The following PEX13 variants were observed in gnomAD, a reference collection of about 807,000 sequenced individuals.
PEX13 encodes the protein peroxisome biogenesis factor 13.
Under a neutral mutation model 34.5 loss-of-function variants are expected in PEX13, and 28 were observed. The ratio of observed to expected loss-of-function variants is 0.81; its 90% confidence interval spans 0.60 to 1.11. PEX13 has a LOEUF of 1.11. PEX13 is among the 50% of genes most tolerant of loss of function. PEX13 has a pLI of 0.00. For synonymous variants in PEX13, 177 were observed against 175.1 expected (o/e 1.01, Z -0.09); for missense variants, 550 against 491.0 (o/e 1.12, Z -1.13).
At chr2:61,036,983 T>C (rs888570396) in intron 2 of PEX13, among the ~76,000 whole-genome samples, 3 of 151,850 alleles carry the variant, frequency 2.0e-5, no homozygotes, top group Non-Finnish European at 4.4e-5. Flanking sequence ...GTTGCAATCC[T>C]AGTCTCTGAT....
In PEX13 at chr2:61,031,440, T is replaced by C. The variant is rs1405801864; in HGVS notation, c.114T>C (p.Thr38=). 6.2e-7 allele frequency: 1 copy of C among 1,614,038 alleles called. No homozygotes were observed. Among genetic ancestry groups the C allele is most frequent in the African/African-American group, 1.3e-5 (1 of 74,942 alleles). ...PTFQSADLGP[T]LMTRPGQPAL... is the part of the protein sequence containing the mutation. ...TTAGATCTGCTGATTTGGGTCCTAC[T>C]TTAATGACAAGACCTGGACAACCAG... The change falls in exon 2 of 4, where the codon ACT becomes ACC. Residue 38 remains threonine, a synonymous_variant. Coordinates refer to ENST00000295030, the MANE Select transcript of PEX13 (RefSeq NM_002618.4).
At chr2:61,028,609 A>G (rs1238607216) in intron 1 of PEX13, among the ~76,000 whole-genome samples, 1 of 151,254 alleles carries the variant, frequency 6.6e-6, no homozygotes, top group Admixed American at 6.6e-5. Context: ...CTGGTCTCGA[A>G]CTCCTAACCT....
At chr2:61,035,180 CAG>C (rs759099869) in intron 2 of PEX13, among the ~76,000 whole-genome samples, 7 of 152,186 alleles carry the variant, frequency 4.6e-5, no homozygotes, top group East Asian at 1.9e-4. Context: ...CCCAGGCAAA[CAG>C]GGTCTGGAGT....
At chr2:61,026,332 C>CTTTTTT (rs1269323070) in intron 1 of PEX13, among the ~76,000 whole-genome samples, 1 of 148,690 alleles carries the variant, frequency 6.7e-6, no homozygotes, top group African/African-American at 2.5e-5. Context: ...CTGTGGCCAC[C>CTTTTTT]TTTTCTTTTT....
intron 2 of PEX13, among the ~76,000 whole-genome samples, chr2:61,040,991 G>A (rs1425945959): frequency 1.3e-5 from 2 of 151,856 alleles, no homozygotes; most frequent in Non-Finnish European, 2.9e-5. Flanking sequence ...AGTGATGGTG[G>A]CTTGGCTCAG....
intron 1 of PEX13, among the ~76,000 whole-genome samples, chr2:61,022,704 A>G (rs943207949): frequency 2.0e-5 from 3 of 152,090 alleles, no homozygotes; most frequent in African/African-American, 4.8e-5. Context: ...CTCTGTCTAT[A>G]AAAAATTTTA....
chr2:61,027,176 GAAA>G (rs1032047207), intron 1 of PEX13, among the ~76,000 whole-genome samples: 6 of 95,136 alleles, frequency 6.3e-5, no homozygotes, highest in African/African-American at 2.2e-4. Flanking sequence ...ATATCAAAAA[GAAA>G]AAAAAAAAAA....
chr2:61,047,752 T>C (rs1055775396), intron 3 of PEX13, among the ~76,000 whole-genome samples: 6 of 152,228 alleles, frequency 3.9e-5, no homozygotes, highest in African/African-American at 4.8e-5. Flanking sequence ...TTTCCTGTTA[T>C]TATAGAGCAT....
chr2:61,048,501 C>T lies in PEX13; in HGVS notation c.943C>T (p.Leu315=). 6.2e-7 allele frequency: 1 copy of T among 1,614,074 alleles called. No homozygotes were observed. Among genetic ancestry groups the T allele is most frequent in the Non-Finnish European group, 8.5e-7 (1 of 1,180,008 alleles). Residue 315 remains leucine (L), a synonymous_variant, in exon 4 of 4, where the codon CTG becomes TTG. Transcript: ENST00000295030. ...ACAACCCAAAGTGCGTGGTTGGCTT[C>T]TGGCTAGCCTTGATGGCCAAACAAC... ...EQQPKVRGWL[L]ASLDGQTTGL... is the part of the protein sequence containing the mutation.
intron 2 of PEX13, among the ~76,000 whole-genome samples, chr2:61,041,882 G>A (rs776353573): frequency 6.6e-6 from 1 of 152,168 alleles, no homozygotes. Context: ...GTGATCTTAC[G>A]GAACCTGGCA....
chr2:61,044,703 C>G (rs1680678506), intron 2 of PEX13, among the ~76,000 whole-genome samples: 1 of 152,194 alleles, frequency 6.6e-6, no homozygotes, highest in Non-Finnish European at 1.5e-5. Flanking sequence ...TTAAGTAATT[C>G]AAACGGAAAC....
At chr2:61,038,007 G>C (rs1370484485) in intron 2 of PEX13, among the ~76,000 whole-genome samples, 1 of 152,190 alleles carries the variant, frequency 6.6e-6, no homozygotes, top group Non-Finnish European at 1.5e-5. Context: ...AAATCTAGAA[G>C]AAATGGGTAA....
chr2:61,037,976 CCT>C (rs1362198956), intron 2 of PEX13, among the ~76,000 whole-genome samples: 2 of 152,202 alleles, frequency 1.3e-5, no homozygotes, highest in East Asian at 3.8e-4. Context: ...ACTATAAACA[CCT>C]CTACATAAGT....
At chr2:61,038,031 T>C (rs1680563634) in intron 2 of PEX13, among the ~76,000 whole-genome samples, 1 of 152,092 alleles carries the variant, frequency 6.6e-6, no homozygotes, top group South Asian at 2.1e-4. Context: ...CCTGGACACA[T>C]ACACCCTCCC....
At chr2:61,021,908 A>G (rs933004631) in intron 1 of PEX13, among the ~76,000 whole-genome samples, 1 of 152,198 alleles carries the variant, frequency 6.6e-6, no homozygotes, top group Non-Finnish European at 1.5e-5. Context: ...ACCTCCAGCA[A>G]ACTCCAACAG....
intron 1 of PEX13, among the ~76,000 whole-genome samples, chr2:61,028,034 G>T (rs1680389794): frequency 6.6e-6 from 1 of 152,222 alleles, no homozygotes; most frequent in Non-Finnish European, 1.5e-5. Flanking sequence ...CAAGGATGAT[G>T]AATCGATGCT....
chr2:61,023,148 G>T (rs181401396), intron 1 of PEX13, among the ~76,000 whole-genome samples: 5 of 152,102 alleles, frequency 3.3e-5, no homozygotes, highest in African/African-American at 4.8e-5. Context: ...GGGACTACAG[G>T]TGCATGCCAC....
In PEX13 at chr2:61,048,721, C is replaced by T. The variant is rs1203618499; in HGVS notation, c.1163C>T (p.Pro388Leu). 6.2e-7 allele frequency: 1 copy of T among 1,613,840 alleles called. No individual in the cohort carries two copies. Among genetic ancestry groups the T allele is most frequent in the Admixed American group, 1.7e-5 (1 of 60,010 alleles). The stretch of plus-strand genomic sequence containing the variant: ...GTTTTTGTTGAAACTAATAAGGTTC[C>T]AGTTGCACCTGATTCCATTGGGAAA... Reference protein sequence around the residue: ...ESVFVETNKVPVAPDSIGKDG... With the variant: ...ESVFVETNKVLVAPDSIGKDG... The change falls in exon 4 of 4, where the codon CCA (proline) becomes CTA (leucine). Residue 388 changes from proline to leucine, a missense_variant. By Grantham distance (98) the Pro-to-Leu change is moderately conservative. Coordinates refer to ENST00000295030, the MANE Select transcript of PEX13 (RefSeq NM_002618.4).
rs762898168 is a variant in PEX13 at position 61,017,784 on chromosome 2, C to T, written c.25C>T (p.Pro9Ser). ...GATGGCGTCCCAGCCGCCACCTCCCCCCAAACCCTGGGAGACCCGCCGAAT... is the reference window on the plus strand; with the variant it reads ...GATGGCGTCCCAGCCGCCACCTCCCTCCAAACCCTGGGAGACCCGCCGAAT... Reference protein sequence around the residue: MASQPPPPPKPWETRRIPG... With the variant: MASQPPPPSKPWETRRIPG... Residue 9 changes from proline (P) to serine (S), a missense_variant, in exon 1 of 4, where the codon CCC becomes TCC. By Grantham distance (74) the Pro-to-Ser change is moderately conservative. Transcript: ENST00000295030. The T allele has an allele frequency of 1.9e-6, 3 of 1,550,300 alleles. No homozygotes were observed. Among genetic ancestry groups the T allele is most frequent in the Non-Finnish European group, 1.7e-6 (2 of 1,146,872 alleles).
Sources: gnomAD v4.1 joint callset for allele counts (sites outside exome capture counted in the v4.1 genomes callset) on GRCh38, gnomAD v4.1.1 for gene constraint, MANE v1.5 for transcripts, NCBI Gene and HGNC (gene_info 2026-07-23, HGNC 2026-07-21) for gene names.